The following SGCZ variants were observed in gnomAD, a reference collection of about 807,000 sequenced individuals.
The protein encoded by SGCZ is zeta-sarcoglycan.
In SGCZ, 40 loss-of-function variants were observed where a neutral mutation model predicts 41.3. The ratio of observed to expected loss-of-function variants is 0.97; its 90% CI spans 0.75 to 1.26. The LOEUF (loss-of-function observed/expected upper bound fraction) is 1.26, where lower values mean the gene tolerates loss of function less well. Among genes scored for constraint, SGCZ ranks in the 50% most tolerant of loss-of-function variants. The pLI is 0.00. For synonymous variants in SGCZ, 206 were observed against 137.5 expected (o/e 1.50, Z -3.49); for missense variants, 552 against 369.8 (o/e 1.49, Z -4.04).
intron 5 of SGCZ, among the ~76,000 whole-genome samples, chr8:14,120,399 T>C (rs1802661774): frequency 6.6e-6 from 1 of 152,172 alleles, no homozygotes; most frequent in Admixed American, 6.6e-5. Context: ...ACATAACCTC[T>C]ATCAACATCA....
At chr8:14,837,333 G>A (rs982446757) in intron 1 of SGCZ, among the ~76,000 whole-genome samples, 2 of 152,320 alleles carry the variant, frequency 1.3e-5, no homozygotes, top group East Asian at 3.9e-4. Flanking sequence ...CAGGCAAAGG[G>A]AATCGCAAAT....
chr8:14,335,455 C>G (rs1802475189), intron 2 of SGCZ, among the ~76,000 whole-genome samples: 1 of 152,162 alleles, frequency 6.6e-6, no homozygotes, highest in East Asian at 1.9e-4. Context: ...ATTACAGATG[C>G]TGGTAATCAC....
chr8:14,758,533 G>A (rs1183966275), intron 1 of SGCZ, among the ~76,000 whole-genome samples: 2 of 151,840 alleles, frequency 1.3e-5, no homozygotes, highest in East Asian at 1.9e-4. Flanking sequence ...AGAAATCTGG[G>A]ACACCGATCA....
chr8:15,170,232 G>T (rs1267289177), intron 1 of SGCZ, among the ~76,000 whole-genome samples: 4 of 152,054 alleles, frequency 2.6e-5, no homozygotes, highest in African/African-American at 9.7e-5. Flanking sequence ...AAGTTTCCTG[G>T]CCACCTTGAC....
chr8:14,636,642 T>A (rs1227944775), intron 1 of SGCZ, among the ~76,000 whole-genome samples: 1 of 151,850 alleles, frequency 6.6e-6, no homozygotes, highest in Non-Finnish European at 1.5e-5. Flanking sequence ...CAAGCAGGAA[T>A]GTCTACTTGA....
intron 1 of SGCZ, among the ~76,000 whole-genome samples, chr8:15,176,619 A>G (rs1800007676): frequency 6.6e-6 from 1 of 152,238 alleles, no homozygotes; most frequent in Admixed American, 6.5e-5. Context: ...TTTAAATCCA[A>G]TAATTGAAAA....
chr8:14,929,019 T>C (rs1799847164), intron 1 of SGCZ, among the ~76,000 whole-genome samples: 1 of 152,132 alleles, frequency 6.6e-6, no homozygotes, highest in Non-Finnish European at 1.5e-5. Context: ...TCAGACAGAG[T>C]CTCACTCTGT....
chr8:15,036,395 G>C (rs1041586414), intron 1 of SGCZ, among the ~76,000 whole-genome samples: 1 of 152,050 alleles, frequency 6.6e-6, no homozygotes, highest in African/African-American at 2.4e-5. Context: ...ACACAGTGGG[G>C]CCTATTGGAG....
At chr8:14,721,899 A>G (rs1206983784) in intron 1 of SGCZ, among the ~76,000 whole-genome samples, 3 of 152,082 alleles carry the variant, frequency 2.0e-5, no homozygotes, top group East Asian at 3.9e-4. Flanking sequence ...ACTGTCCTCT[A>G]TGTCCTGTTC....
chr8:14,790,833 C>T lies in SGCZ; in HGVS notation c.40-235907G>A, dbSNP rs192798386. On this transcript the variant is annotated intron_variant, in intron 1 of 7. Coordinates refer to ENST00000382080, the MANE Select transcript of SGCZ (RefSeq NM_139167.4). ...ATTACCTGAGGTCAGGAGTTGGAGACCAACCTGGCCAACATGGTGAAACTC... is the reference window on the plus strand; with the variant it reads ...ATTACCTGAGGTCAGGAGTTGGAGATCAACCTGGCCAACATGGTGAAACTC... Among the ~76,000 whole-genome samples the T allele has an allele frequency of 3.5e-3, 530 of 152,044 alleles. 3 individuals carry two copies. The highest frequency in any genetic ancestry group is 0.012 in the African/African-American group (504 of 41,470).
chr8:14,766,611 G>C (rs1048746057), intron 1 of SGCZ, among the ~76,000 whole-genome samples: 3 of 151,762 alleles, frequency 2.0e-5, no homozygotes, highest in African/African-American at 7.3e-5. Flanking sequence ...ACCCAGGCTG[G>C]AGTGCAGTAC....
intron 1 of SGCZ, among the ~76,000 whole-genome samples, chr8:14,911,411 C>G (rs1799276785): frequency 6.6e-6 from 1 of 151,922 alleles, no homozygotes; most frequent in Admixed American, 6.6e-5. Flanking sequence ...CATTAAATAG[C>G]TATTGAATCA....
intron 7 of SGCZ, among the ~76,000 whole-genome samples, chr8:14,097,607 C>T (rs1286477299): frequency 1.3e-5 from 2 of 150,554 alleles, no homozygotes; most frequent in African/African-American, 4.8e-5. Context: ...CTTAGGTCTC[C>T]TTTGTCCAGA....
chr8:14,396,908 G>C (rs748660543), intron 2 of SGCZ, among the ~76,000 whole-genome samples: 1 of 152,036 alleles, frequency 6.6e-6, no homozygotes, highest in Non-Finnish European at 1.5e-5. Flanking sequence ...TTATTGCAGG[G>C]AGCTTAGGTT....
intron 5 of SGCZ, among the ~76,000 whole-genome samples, chr8:14,133,450 CT>C (rs1476459074): frequency 1.3e-5 from 2 of 152,120 alleles, no homozygotes; most frequent in African/African-American, 4.8e-5. Flanking sequence ...AGCATCTTTT[CT>C]TTCACGTAGT....
chr8:14,914,125 G>C (rs538042408), intron 1 of SGCZ, among the ~76,000 whole-genome samples: 45 of 150,736 alleles, frequency 3.0e-4, no homozygotes, highest in African/African-American at 1.0e-3. Flanking sequence ...ACTTCTAAAG[G>C]GTAAAATTTA....
At chr8:15,218,916 G>T (rs941473598) in intron 1 of SGCZ, among the ~76,000 whole-genome samples, 2 of 152,262 alleles carry the variant, frequency 1.3e-5, no homozygotes, top group East Asian at 3.9e-4. Context: ...GCCCACAAGT[G>T]GCGCTGAAAA....
intron 1 of SGCZ, among the ~76,000 whole-genome samples, chr8:14,738,440 A>G (rs1799110690): frequency 6.6e-6 from 1 of 152,008 alleles, no homozygotes; most frequent in Non-Finnish European, 1.5e-5. Context: ...GCTAGACCCA[A>G]CTGATTAAAA....
At chr8:15,165,608 T>C (rs1799643548) in intron 1 of SGCZ, among the ~76,000 whole-genome samples, 1 of 152,202 alleles carries the variant, frequency 6.6e-6, no homozygotes, top group South Asian at 2.1e-4. Flanking sequence ...AAGTTTTACC[T>C]TGAAGTTCAA....
Sources: allele counts gnomAD v4.1 joint callset (sites outside exome capture counted in the v4.1 genomes callset), GRCh38; gene constraint gnomAD v4.1.1; transcripts MANE v1.5; gene names NCBI Gene and HGNC (gene_info 2026-07-23, HGNC 2026-07-21).